The following TSPAN15 variants were observed in gnomAD, a reference collection of about 807,000 sequenced individuals.
TSPAN15 encodes the protein tetraspanin-15.
A neutral mutation model predicts 34.5 loss-of-function variants in TSPAN15; 20 were observed. The observed-to-expected ratio is 0.58, with a 90% CI of 0.41 to 0.84. The LOEUF (loss-of-function observed/expected upper bound fraction) is 0.84. Among genes scored for constraint, TSPAN15 ranks in the 40% least tolerant of loss-of-function variants. The pLI is 0.00. For synonymous variants in TSPAN15, 155 were observed against 153.9 expected (o/e 1.01, Z -0.05); for missense variants, 313 against 386.1 (o/e 0.81, Z 1.59).
chr10:69,518,630 G>A, the TSPAN15 span, among the ~76,000 whole-genome samples: 1 of 152,132 alleles, frequency 6.6e-6, no homozygotes, highest in Non-Finnish European at 1.5e-5. Context: ...CAACATATTG[G>A]CCAGGCTGGT....
At chr10:69,495,829 C>T in intron 4 of TSPAN15, 140 bp downstream of exon 4, 4 of 646,666 alleles carry the variant, frequency 6.2e-6, no homozygotes, top group Non-Finnish European at 1.1e-5. Context: ...TGGGAGGCAA[C>T]AGTGAGCATG....
Position 69,507,072 on chromosome 10 carries a change from C to T in TSPAN15, c.*94C>T. On this transcript the variant is annotated 3_prime_UTR_variant, in exon 8 of 8. Transcript: ENST00000373290. ...GCTGGACAGGGCTGCGGCCCCTCTG[C>T]CCACACTCAGTACTGACCAAAGCCA... 1 of 1,542,702 alleles carries T rather than the reference C, an allele frequency of 6.5e-7. No individual in the cohort carries two copies. Among genetic ancestry groups the T allele is most frequent in the Non-Finnish European group, 8.7e-7 (1 of 1,145,532 alleles).
chr10:69,452,983 T>G (rs1223193544), intron 1 of TSPAN15, among the ~76,000 whole-genome samples: 1 of 152,244 alleles, frequency 6.6e-6, no homozygotes, highest in Non-Finnish European at 1.5e-5. Context: ...AGATCCAGAT[T>G]CAGCTCTGTT....
At chr10:69,527,000 T>A in the TSPAN15 span, among the ~76,000 whole-genome samples, 9 of 147,706 alleles carry the variant, frequency 6.1e-5, no homozygotes, top group African/African-American at 2.2e-4. Flanking sequence ...TGAAAACATA[T>A]GTTCACAGAA....
At chr10:69,490,797 C>T (rs150333700) in intron 3 of TSPAN15, among the ~76,000 whole-genome samples, 1 of 152,326 alleles carries the variant, frequency 6.6e-6, no homozygotes, top group East Asian at 1.9e-4. Context: ...GTTGTTTATG[C>T]TGTATTGTTC....
intron 3 of TSPAN15, among the ~76,000 whole-genome samples, chr10:69,494,241 G>A (rs1479049717): frequency 2.0e-5 from 3 of 152,134 alleles, no homozygotes; most frequent in Non-Finnish European, 4.4e-5. Flanking sequence ...CAAGAGTTGG[G>A]GCCTCGGTTT....
the TSPAN15 span, among the ~76,000 whole-genome samples, chr10:69,546,102 G>A: frequency 6.6e-6 from 1 of 152,124 alleles, no homozygotes; most frequent in African/African-American, 2.4e-5. Context: ...TCACCTCCTT[G>A]TGGCATTTGA....
At chr10:69,523,428 TC>T in the TSPAN15 span, 1 of 572,458 alleles carries the variant, frequency 1.7e-6, no homozygotes. Context: ...ATAAGGTCAT[TC>T]CAGAGGCTAG....
At chr10:69,497,192 GAC>G (rs1204696496) in intron 4 of TSPAN15, among the ~76,000 whole-genome samples, 3 of 152,178 alleles carry the variant, frequency 2.0e-5, no homozygotes, top group African/African-American at 4.8e-5. Context: ...ATTGCAGAAA[GAC>G]AGTTCTAGGT....
At chr10:69,484,168 AAGG>A in intron 2 of TSPAN15, 1 of 308,428 alleles carries the variant, frequency 3.2e-6, no homozygotes, top group Non-Finnish European at 6.1e-6. Context: ...AAGACAAAAA[AAGG>A]AGATGGTAGT....
intron 3 of TSPAN15, among the ~76,000 whole-genome samples, chr10:69,491,262 G>A (rs917960799): frequency 3.3e-5 from 5 of 152,222 alleles, no homozygotes. Flanking sequence ...CGGGGGCAAT[G>A]AGGGTAAGTC....
chr10:69,510,670 G>A (rs1842405251), downstream of TSPAN15, among the ~76,000 whole-genome samples: 2 of 152,202 alleles, frequency 1.3e-5, no homozygotes, highest in South Asian at 4.1e-4. Flanking sequence ...CAAAGGGAGT[G>A]CTTCCAGCAT....
the TSPAN15 span, among the ~76,000 whole-genome samples, chr10:69,527,772 A>T: frequency 6.8e-6 from 1 of 147,488 alleles, no homozygotes; most frequent in Non-Finnish European, 1.5e-5. Flanking sequence ...TTCATATGAA[A>T]TGTGTAGCAT....
chr10:69,498,417 G>C, intron 5 of TSPAN15, 21 bp downstream of exon 5: 2 of 1,602,098 alleles, frequency 1.2e-6, no homozygotes, highest in Non-Finnish European at 1.7e-6. Context: ...CTCCTGTGGG[G>C]ACTGGGGGGC....
At chr10:69,534,295 C>T in the TSPAN15 span, among the ~76,000 whole-genome samples, 1 of 152,134 alleles carries the variant, frequency 6.6e-6, no homozygotes, top group Non-Finnish European at 1.5e-5. Context: ...GTTTCCATTG[C>T]CCCTTCCTGT....
chr10:69,545,365 T>C, the TSPAN15 span, among the ~76,000 whole-genome samples: 3 of 152,108 alleles, frequency 2.0e-5, no homozygotes, highest in East Asian at 5.8e-4. Flanking sequence ...GTTCTCAGAA[T>C]ACTGGAGGAG....
At chr10:69,468,533 GA>G (rs1841438482) in intron 1 of TSPAN15, among the ~76,000 whole-genome samples, 1 of 137,288 alleles carries the variant, frequency 7.3e-6, no homozygotes, top group Non-Finnish European at 1.6e-5. Flanking sequence ...TTTTTTTTTT[GA>G]AAAAGTTAAA....
chr10:69,455,557 C>CTCTT (rs1227776428), intron 1 of TSPAN15, among the ~76,000 whole-genome samples: 3 of 140,020 alleles, frequency 2.1e-5, no homozygotes, highest in East Asian at 4.1e-4. Flanking sequence ...TTCTCTCTCT[C>CTCTT]TCTTTCTTTC....
At chr10:69,539,520 G>A in the TSPAN15 span, among the ~76,000 whole-genome samples, 1 of 113,536 alleles carries the variant, frequency 8.8e-6, no homozygotes, top group African/African-American at 3.5e-5. Context: ...AGAAGAAGAA[G>A]AAGAAGAAGA....
Sources: allele counts gnomAD v4.1 joint callset (sites outside exome capture counted in the v4.1 genomes callset), GRCh38; gene constraint gnomAD v4.1.1; transcripts MANE v1.5; gene names NCBI Gene and HGNC (gene_info 2026-07-23, HGNC 2026-07-21).